Variants in TMCC1 observed in about 807,000 individuals in gnomAD.
TMCC1 encodes the protein transmembrane and coiled-coil domains protein 1.
TMCC1 carries 15 observed loss-of-function variants against 52.4 expected under a neutral mutation model. That is an observed-to-expected ratio of 0.29 (90% CI 0.19 to 0.44). The LOEUF (loss-of-function observed/expected upper bound fraction) is 0.44. Among genes scored for constraint, TMCC1 ranks in the 20% least tolerant of loss-of-function variants. TMCC1 has a pLI of 1.00. For missense variants in TMCC1, 503 were observed against 806.0 expected, an observed-to-expected ratio of 0.62 and a Z score of 4.55; for synonymous variants, 279 against 301.9, an observed-to-expected ratio of 0.92 and a Z score of 0.79.
chr3:129,827,608 G>A (rs1560499818), intron 4 of TMCC1, 195 bp downstream of exon 4: 3 of 614,306 alleles, frequency 4.9e-6, no homozygotes, highest in Non-Finnish European at 8.3e-6. Context: ...TGTTAGGAAG[G>A]AAATAGGAAT....
intron 4 of TMCC1, among the ~76,000 whole-genome samples, chr3:129,793,717 A>G (rs558078550): frequency 6.6e-6 from 1 of 152,324 alleles, no homozygotes; most frequent in South Asian, 2.1e-4. Flanking sequence ...TGATTTTCTC[A>G]GGTTAAAAAA....
chr3:129,692,040 A>G (rs1393033281), intron 4 of TMCC1, among the ~76,000 whole-genome samples: 1 of 152,210 alleles, frequency 6.6e-6, no homozygotes, highest in Non-Finnish European at 1.5e-5. Flanking sequence ...GAAACATTTT[A>G]AGAATCCAAA....
At chr3:129,741,639 T>G (rs1253386998) in intron 4 of TMCC1, among the ~76,000 whole-genome samples, 1 of 152,196 alleles carries the variant, frequency 6.6e-6, no homozygotes. Context: ...ATTACATTTT[T>G]TATGCTCGAT....
In TMCC1 at chr3:129,810,339, C is replaced by A. The variant is rs182816335; in HGVS notation, c.576+17464G>T. Among the ~76,000 whole-genome samples, 3 of 143,468 alleles carry A rather than the reference C, an allele frequency of 2.1e-5. No homozygotes were observed. The East Asian group carries it at 7.1e-4, about 34-fold the overall frequency. 94.1% of individuals were successfully genotyped at this position (143,468 alleles called of 152,430 possible). A position where few individuals can be genotyped will look rare whatever the true frequency, so the allele number is the denominator to read the frequency against. Reference sequence around the variant, plus strand: ...CACCACTGGGCAACAGAGTGAGAGACACTGTCTCCCAAAAAAAACAAAACA... The same window carrying A: ...CACCACTGGGCAACAGAGTGAGAGAAACTGTCTCCCAAAAAAAACAAAACA... On this transcript the variant is annotated intron_variant, in intron 4 of 6. Coordinates refer to ENST00000393238, the MANE Select transcript of TMCC1 (RefSeq NM_001017395.5).
At chr3:129,862,229 G>A (rs1455658681) in intron 2 of TMCC1, among the ~76,000 whole-genome samples, 1 of 152,194 alleles carries the variant, frequency 6.6e-6, no homozygotes, top group African/African-American at 2.4e-5. Flanking sequence ...AATGTGGAAT[G>A]ACTGCTCAAT....
intron 4 of TMCC1, among the ~76,000 whole-genome samples, chr3:129,698,550 T>C (rs2047581960): frequency 6.6e-6 from 1 of 152,224 alleles, no homozygotes; most frequent in South Asian, 2.1e-4. Context: ...TATTGGTTCT[T>C]TCATTAATTA....
At chr3:129,780,910 AGTT>A (rs2055469375) in intron 4 of TMCC1, among the ~76,000 whole-genome samples, 1 of 152,134 alleles carries the variant, frequency 6.6e-6, no homozygotes, top group Non-Finnish European at 1.5e-5. Context: ...ACAGGTTGCT[AGTT>A]AAATTAAAAT....
intron 1 of TMCC1, among the ~76,000 whole-genome samples, chr3:129,881,102 T>C (rs575167759): frequency 6.6e-6 from 1 of 152,076 alleles, no homozygotes; most frequent in South Asian, 2.1e-4. Flanking sequence ...GACCTCATGA[T>C]CCCCCTGCCT....
At chr3:129,874,227 T>C (rs1392988767) in intron 2 of TMCC1, among the ~76,000 whole-genome samples, 4 of 152,218 alleles carry the variant, frequency 2.6e-5, no homozygotes, top group African/African-American at 7.2e-5. Context: ...TAGACTCATA[T>C]TACACATAAG....
At chr3:129,701,271 A>G (rs1200607696) in intron 4 of TMCC1, among the ~76,000 whole-genome samples, 1 of 152,266 alleles carries the variant, frequency 6.6e-6, no homozygotes, top group Non-Finnish European at 1.5e-5. Flanking sequence ...TCTACAAAGA[A>G]GGCATTAAGA....
chr3:129,709,530 G>A (rs1441149986), intron 4 of TMCC1, among the ~76,000 whole-genome samples: 1 of 140,332 alleles, frequency 7.1e-6, no homozygotes, highest in African/African-American at 2.6e-5. Context: ...AATCATCAAG[G>A]CTAACACCAT....
chr3:129,772,105 T>A (rs1322810106), intron 4 of TMCC1, among the ~76,000 whole-genome samples: 2 of 152,176 alleles, frequency 1.3e-5, no homozygotes, highest in African/African-American at 4.8e-5. Context: ...ACACCTGTAA[T>A]CCCACCACTT....
rs199616644 is a variant in TMCC1 at position 129,865,194 on chromosome 3, A to AT, written c.-184+15114dup. On this transcript the variant is annotated intron_variant, in intron 2 of 6. Coordinates refer to ENST00000393238, the MANE Select transcript of TMCC1 (RefSeq NM_001017395.5). ...TCCAGAAAGCTCAGGCTTCTCATTCATTTTTTTTTCCCTGTAGTGGTGCAA... is the reference window on the plus strand; with the variant it reads ...TCCAGAAAGCTCAGGCTTCTCATTCATTTTTTTTTTCCCTGTAGTGGTGCAA... Among the ~76,000 whole-genome samples, 16 of 150,642 alleles carry AT rather than the reference A, an allele frequency of 1.1e-4. No individual in the cohort carries two copies. In the East Asian group the frequency reaches 1.9e-3, roughly 18 times the overall value.
intron 4 of TMCC1, among the ~76,000 whole-genome samples, chr3:129,799,384 T>C (rs1316221114): frequency 6.6e-6 from 1 of 152,214 alleles, no homozygotes; most frequent in Non-Finnish European, 1.5e-5. Flanking sequence ...GTTCCTTGTA[T>C]CCAACTAACT....
At chr3:129,843,208 G>A (rs370504015) in intron 2 of TMCC1, among the ~76,000 whole-genome samples, 3 of 151,980 alleles carry the variant, frequency 2.0e-5, no homozygotes, top group South Asian at 4.2e-4. Flanking sequence ...TTAGCCGGGC[G>A]TGGTGGCAGG....
In TMCC1 at chr3:129,651,559, C is replaced by T; in HGVS notation, c.1884G>A (p.Val628=). ...GCTTCCAGAGAAAGGCAATAAAAAC[C>T]ACAAGGAATAAAGTGCTGAACGTCC... ...RNRTFSTLFL[V]VFIAFLWKHW... Residue 628 remains valine (V), a synonymous_variant, in exon 7 of 7, where the codon GTG becomes GTA. Coordinates refer to ENST00000393238, the MANE Select transcript of TMCC1 (RefSeq NM_001017395.5). The surrounding 1 kb of genome is among the most constrained non-coding windows in gnomAD (Gnocchi z 5.1). The T allele has an allele frequency of 1.2e-6, 2 of 1,614,162 alleles. No homozygotes were observed. Among genetic ancestry groups the T allele is most frequent in the South Asian group, 1.1e-5 (1 of 91,068 alleles).
At chr3:129,883,099 G>A in intron 1 of TMCC1, among the ~76,000 whole-genome samples, 1 of 150,922 alleles carries the variant, frequency 6.6e-6, no homozygotes, top group Admixed American at 6.6e-5. Context: ...GACCAGCCTG[G>A]CCAACGTGGT....
intron 4 of TMCC1, among the ~76,000 whole-genome samples, chr3:129,771,680 T>G (rs1030385461): frequency 2.8e-5 from 4 of 142,376 alleles, no homozygotes; most frequent in African/African-American, 1.0e-4. Context: ...GAGGCTAAGG[T>G]GAGAGGATCA....
intron 4 of TMCC1, among the ~76,000 whole-genome samples, chr3:129,786,690 T>C (rs563795790): frequency 6.6e-6 from 1 of 152,346 alleles, no homozygotes; most frequent in East Asian, 1.9e-4. Flanking sequence ...TCCCCAGTTA[T>C]GATGAACTTT....
Sources: allele counts gnomAD v4.1 joint callset (sites outside exome capture counted in the v4.1 genomes callset), GRCh38; gene constraint gnomAD v4.1.1; non-coding constraint Gnocchi (gnomAD v3.1); transcripts MANE v1.5; gene names NCBI Gene and HGNC (gene_info 2026-07-23, HGNC 2026-07-21).